The following PRH1 variants were observed in gnomAD, a reference collection of about 807,000 sequenced individuals.
PRH1 encodes the protein proline rich protein HaeIII subfamily 1, also known as salivary acidic proline-rich phosphoprotein 1/2.
PRH1 carries 7 observed loss-of-function variants against 7.9 expected under a neutral mutation model. The ratio of observed to expected loss-of-function variants is 0.89; its 90% CI spans 0.50 to 1.67. PRH1 has a LOEUF of 1.67. Ranked by LOEUF, PRH1 falls within the 40% of genes most tolerant of loss-of-function variation. The pLI is 0.00. For synonymous variants in PRH1, 45 were observed against 80.8 expected, an observed-to-expected ratio of 0.56 and a Z score of 2.38; for missense variants, 109 against 223.6, an observed-to-expected ratio of 0.49 and a Z score of 3.27.
chr12:10,957,883 A>T (rs553077288), intron 2 of PRH1, among the ~76,000 whole-genome samples: 1 of 152,278 alleles, frequency 6.6e-6, no homozygotes, highest in African/African-American at 2.4e-5. Flanking sequence ...ACCAGTCAGA[A>T]TAGCTATTAC....
intron 1 of PRH1, among the ~76,000 whole-genome samples, chr12:11,156,712 T>C (rs1246064050): frequency 1.3e-5 from 2 of 152,204 alleles, no homozygotes; most frequent in African/African-American, 4.8e-5. Context: ...TTTCTGTAAG[T>C]TATTTCTATG....
intron 1 of PRH1, among the ~76,000 whole-genome samples, chr12:11,003,957 T>C (rs868336974): frequency 3.3e-5 from 5 of 152,090 alleles, no homozygotes. Flanking sequence ...CTGATGGTCA[T>C]TTGGGAGACT....
upstream of PRH1, among the ~76,000 whole-genome samples, chr12:10,886,595 C>T (rs1298360378): frequency 6.6e-6 from 1 of 152,206 alleles, no homozygotes; most frequent in Admixed American, 6.5e-5. Context: ...AGGACTGCTG[C>T]AGGAGCTTGG....
At chr12:11,062,125 C>A (rs771301644) in intron 1 of PRH1, 7 of 1,613,594 alleles carry the variant, frequency 4.3e-6, no homozygotes, top group African/African-American at 1.3e-5. Context: ...CCAGAGTAAA[C>A]CAACTCTGGA....
chr12:11,025,092 C>T (rs1469807112), intron 1 of PRH1, among the ~76,000 whole-genome samples: 9 of 150,272 alleles, frequency 6.0e-5, no homozygotes, highest in Non-Finnish European at 1.3e-4. Flanking sequence ...GATCTCTGCT[C>T]ACTGAAAGCT....
rs995663866 is a variant in PRH1, at chr12:10,883,144, T to C, written c.65-48A>G. The stretch of plus-strand genomic sequence containing the variant: ...TGGGAAAAGTTACTTCCTGAATCAT[T>C]CAAGGCTCATAGTGTTCTACGAGGA... On this transcript the variant is annotated intron_variant, in intron 1 of 3. Coordinates refer to ENST00000543626, the MANE Select transcript of PRH1 (RefSeq NM_001393989.1). 7 of 1,587,288 alleles carry C rather than the reference T, an allele frequency of 4.4e-6. No individual in the cohort carries two copies. In the Admixed American group the frequency reaches 5.0e-5, roughly 11 times the overall value.
rs9777950 is a variant in PRH1, at chr12:11,085,872, C to T, written n.124-38684G>A. On this transcript the variant is annotated intron_variant and non_coding_transcript_variant, in intron 1 of 4. Transcript: ENST00000541977. ...TTTCCAAACTAATACATAGATCATA[C>T]ATTGGATGCCTGCACTGTTATATGT... is the stretch of plus-strand genomic sequence containing the variant. 6.3e-4 allele frequency among the ~76,000 whole-genome samples: 69 copies of T among 109,474 alleles called. 5 individuals carry two copies. The South Asian group carries it at 0.016, about 25-fold the overall frequency. 71.8% of individuals were successfully genotyped at this position (109,474 alleles called of 152,430 possible). A position where few individuals can be genotyped will look rare whatever the true frequency, so the allele number is the denominator to read the frequency against.
chr12:11,115,446 T>C (rs1231415387), intron 1 of PRH1, among the ~76,000 whole-genome samples: 1 of 152,116 alleles, frequency 6.6e-6, no homozygotes, highest in Non-Finnish European at 1.5e-5. Flanking sequence ...AATACAATAA[T>C]AGATGGAGAC....
chr12:11,054,656 T>G (rs112186282), intron 1 of PRH1, among the ~76,000 whole-genome samples: 1 of 152,274 alleles, frequency 6.6e-6, no homozygotes, highest in Admixed American at 6.5e-5. Flanking sequence ...AATTGTCCTG[T>G]GTATTTAATA....
At chr12:10,932,261 T>G in intron 2 of PRH1, 1 of 430,926 alleles carries the variant, frequency 2.3e-6, no homozygotes, top group African/African-American at 2.0e-5. Context: ...TTCAAATGCC[T>G]TGAAACATAA....
intron 1 of PRH1, among the ~76,000 whole-genome samples, chr12:11,102,929 A>G (rs1945299553): frequency 6.6e-6 from 1 of 152,248 alleles, no homozygotes; most frequent in Non-Finnish European, 1.5e-5. Flanking sequence ...CAGCTAAAAG[A>G]CACACGAAAA....
At chr12:11,078,593 T>C (rs1452787915) in intron 1 of PRH1, 2 of 125,486 alleles carry the variant, frequency 1.6e-5, no homozygotes, top group Non-Finnish European at 3.7e-5. Context: ...TTCTTTGTCA[T>C]TGTTTTGCAA....
chr12:10,934,582 C>A (rs1004880507), intron 2 of PRH1, among the ~76,000 whole-genome samples: 6 of 151,872 alleles, frequency 4.0e-5, no homozygotes, highest in African/African-American at 1.5e-4. Context: ...ACCTGTTATA[C>A]ATACTTATTA....
chr12:11,071,831 A>T (rs1424889838), intron 1 of PRH1, among the ~76,000 whole-genome samples: 1 of 152,194 alleles, frequency 6.6e-6, no homozygotes, highest in African/African-American at 2.4e-5. Context: ...TGCATGGTAG[A>T]AAAGGCACCA....
rs534888021 is a variant in PRH1 at position 10,977,677 on chromosome 12, A to G, written c.-125-3956T>C. ...GAAATCCCAACAGTATTTGCCCAAA[A>G]TCTCCTTGATCTTACAAACAAACTC... On this transcript the variant is annotated intron_variant, in intron 1 of 3. Coordinates refer to the PRH1 transcript ENST00000539853. Among the ~76,000 whole-genome samples the G allele has an allele frequency of 1.4e-4, 21 of 152,324 alleles. No individual in the cohort carries two copies. In the South Asian group the frequency reaches 4.4e-3, roughly 32 times the overall value.
In PRH1 at chr12:10,910,392, C is replaced by T. The variant is rs148962317; in HGVS notation, c.-58-26117G>A. Among the ~76,000 whole-genome samples, 405 of 152,110 alleles carry T rather than the reference C, an allele frequency of 2.7e-3. 1 individual carries two copies. The highest frequency in any genetic ancestry group is 3.4e-3 in the African/African-American group (142 of 41,486). Reference sequence around the variant, plus strand: ...ATCCTAGCAATTTGGGAGATTGAGGCGGGAGGACCGCTCGAGCCCAAAAGT... The same window carrying T: ...ATCCTAGCAATTTGGGAGATTGAGGTGGGAGGACCGCTCGAGCCCAAAAGT... On this transcript the variant is annotated intron_variant, in intron 2 of 3. Transcript: ENST00000539853.
intron 2 of PRH1, among the ~76,000 whole-genome samples, chr12:10,969,055 T>A (rs186732987): frequency 6.6e-6 from 1 of 152,270 alleles, no homozygotes; most frequent in East Asian, 1.9e-4. Flanking sequence ...CACAACCGAA[T>A]TGGAGAATGG....
intron 1 of PRH1, among the ~76,000 whole-genome samples, chr12:11,058,514 A>G (rs968565379): frequency 1.3e-5 from 2 of 152,288 alleles, no homozygotes; most frequent in African/African-American, 4.8e-5. Flanking sequence ...GGGATTTTGG[A>G]GCCAACATAT....
chr12:10,921,580 G>A (rs1366446169), intron 2 of PRH1, among the ~76,000 whole-genome samples: 1 of 151,806 alleles, frequency 6.6e-6, no homozygotes, highest in Non-Finnish European at 1.5e-5. Context: ...AAAAGATTTT[G>A]GTTGTACTAC....
Sources: gnomAD v4.1 joint callset for allele counts (sites outside exome capture counted in the v4.1 genomes callset) on GRCh38, gnomAD v4.1.1 for gene constraint, MANE v1.5 for transcripts, NCBI Gene and HGNC (gene_info 2026-07-23, HGNC 2026-07-21) for gene names.